The following EEA1 variants were observed in gnomAD, a reference collection of about 807,000 sequenced individuals.
EEA1 encodes the protein early endosome antigen 1.
A neutral mutation model predicts 209.2 loss-of-function variants in EEA1; 111 were observed. The ratio of observed to expected loss-of-function variants is 0.53; its 90% CI spans 0.45 to 0.62. The LOEUF (loss-of-function observed/expected upper bound fraction) is 0.62, where lower values mean the gene tolerates loss of function less well. Among genes scored for constraint, EEA1 ranks in the 20% least tolerant of loss-of-function variants. EEA1 has a pLI of 0.00. For synonymous variants in EEA1, 536 were observed against 540.6 expected, an observed-to-expected ratio of 0.99 and a Z score of 0.12; for missense variants, 1,343 against 1,530.8, an observed-to-expected ratio of 0.88 and a Z score of 2.05.
chr12:92,868,096 T>G (rs977188477), intron 2 of EEA1, among the ~76,000 whole-genome samples: 1 of 152,214 alleles, frequency 6.6e-6, no homozygotes, highest in Non-Finnish European at 1.5e-5. Context: ...AATAATCTCC[T>G]ATGAAACTCC....
intron 2 of EEA1, among the ~76,000 whole-genome samples, chr12:92,887,835 A>G (rs760429293): frequency 4.6e-5 from 7 of 152,152 alleles, no homozygotes; most frequent in Non-Finnish European, 8.8e-5. Flanking sequence ...TCAGATGGCA[A>G]TATCAGAAAA....
chr12:92,826,718 AAAAAAAAAAAAAAG>A (rs1876321261), intron 12 of EEA1, among the ~76,000 whole-genome samples: 1 of 125,546 alleles, frequency 8.0e-6, no homozygotes, highest in Non-Finnish European at 1.8e-5. Flanking sequence ...CCGTCTCAAA[AAAAAAAAAAAAAAG>A]AAAAGAAAAA....
At chr12:92,791,120 G>A (rs1417054843) in intron 21 of EEA1, among the ~76,000 whole-genome samples, 1 of 152,158 alleles carries the variant, frequency 6.6e-6, no homozygotes, top group East Asian at 1.9e-4. Context: ...GCTCCTGAAG[G>A]AAGCACTAAA....
chr12:92,864,854 C>T lies in EEA1; in HGVS notation c.245+6G>A. On this transcript the variant is annotated splice_donor_region_variant and intron_variant, in intron 3 of 28. Coordinates refer to ENST00000322349, the MANE Select transcript of EEA1 (RefSeq NM_003566.4). The stretch of plus-strand genomic sequence containing the variant: ...AACATTATACTTCAAAATTATCATA[C>T]CGTACCGCTTCAAAGCAAGATTAGA... 2 of 1,587,984 alleles carry T rather than the reference C, an allele frequency of 1.3e-6. No individual in the cohort carries two copies. The highest frequency in any genetic ancestry group is 2.3e-5 in the East Asian group (1 of 43,644).
intron 2 of EEA1, among the ~76,000 whole-genome samples, chr12:92,865,341 A>G (rs537188617): frequency 1.4e-5 from 2 of 147,056 alleles, no homozygotes; most frequent in East Asian, 4.2e-4. Context: ...CATTAGTAAA[A>G]TAATATCTGT....
intron 21 of EEA1, among the ~76,000 whole-genome samples, chr12:92,792,141 T>C (rs1874432458): frequency 6.6e-6 from 1 of 152,158 alleles, no homozygotes; most frequent in Non-Finnish European, 1.5e-5. Flanking sequence ...GAGGGAAATT[T>C]ATAGCACTAA....
chr12:92,909,734 T>G (rs1352188975), intron 1 of EEA1, among the ~76,000 whole-genome samples: 2 of 152,190 alleles, frequency 1.3e-5, no homozygotes, highest in Non-Finnish European at 2.9e-5. Flanking sequence ...GACAAGCTTG[T>G]GGCCGAGCAT....
At chr12:92,822,037 T>C (rs901728329) in intron 13 of EEA1, among the ~76,000 whole-genome samples, 1 of 151,434 alleles carries the variant, frequency 6.6e-6, no homozygotes, top group Non-Finnish European at 1.5e-5. Flanking sequence ...TATATAGATA[T>C]ATGGAGCTAT....
chr12:92,872,340 C>T (rs983887397), intron 2 of EEA1, among the ~76,000 whole-genome samples: 4 of 152,220 alleles, frequency 2.6e-5, no homozygotes, highest in African/African-American at 4.8e-5. Flanking sequence ...TGGGCCACCA[C>T]GCCCAGCCGA....
intron 1 of EEA1, among the ~76,000 whole-genome samples, chr12:92,927,738 T>C (rs889924546): frequency 6.6e-6 from 1 of 152,246 alleles, no homozygotes; most frequent in African/African-American, 2.4e-5. Context: ...CAGATGTCTT[T>C]ACTGCTGAAC....
chr12:92,779,729 G>GA (rs1157506051), intron 24 of EEA1, among the ~76,000 whole-genome samples: 183 of 152,162 alleles, frequency 1.2e-3, no homozygotes, highest in African/African-American at 4.2e-3. Flanking sequence ...AAACCAAAAT[G>GA]AAAGTATGCT....
At chr12:92,821,829 A>G (rs1018856954) in intron 13 of EEA1, among the ~76,000 whole-genome samples, 1 of 149,940 alleles carries the variant, frequency 6.7e-6, no homozygotes, top group Non-Finnish European at 1.5e-5. Flanking sequence ...ATATGTATAT[A>G]TAATTACATA....
intron 5 of EEA1, 21 bp from the exon 6 acceptor site, chr12:92,853,975 TAAAC>T (rs1309139678): frequency 2.6e-6 from 4 of 1,550,890 alleles, no homozygotes; most frequent in Non-Finnish European, 3.5e-6. Context: ...ACAAAAGACA[TAAAC>T]AAATGAATTA....
intron 2 of EEA1, chr12:92,884,465 G>A (rs1386682096): frequency 1.1e-5 from 16 of 1,476,674 alleles, no homozygotes; most frequent in Non-Finnish European, 1.5e-5. Context: ...TGGCAGTGGG[G>A]ATGGCTATAA....
chr12:92,855,343 T>G (rs1877825828), intron 5 of EEA1, among the ~76,000 whole-genome samples: 3 of 151,390 alleles, frequency 2.0e-5, no homozygotes. Context: ...GGCAGGAGAA[T>G]GCTGTGAACA....
At chr12:92,902,966 G>A (rs1373757211) in intron 1 of EEA1, among the ~76,000 whole-genome samples, 25 of 142,484 alleles carry the variant, frequency 1.8e-4, no homozygotes, top group African/African-American at 6.6e-4. Context: ...ACGGAGTCTC[G>A]CTCTGTCACC....
chr12:92,855,450 AAT>A (rs1227334811), intron 5 of EEA1, among the ~76,000 whole-genome samples: 1 of 151,624 alleles, frequency 6.6e-6, no homozygotes. Flanking sequence ...AAAAAAAAAA[AAT>A]GCTATCAAAC....
chr12:92,850,251 G>C (rs1371292683), intron 9 of EEA1, among the ~76,000 whole-genome samples: 2 of 152,154 alleles, frequency 1.3e-5, no homozygotes, highest in African/African-American at 2.4e-5. Context: ...CAATAAAATA[G>C]ACTTAGGAAG....
chr12:92,928,380 G>C (rs2136796375), intron 1 of EEA1, among the ~76,000 whole-genome samples: 1 of 152,192 alleles, frequency 6.6e-6, no homozygotes, highest in Middle Eastern at 3.4e-3. Context: ...ATTTATTCTT[G>C]GATAGCTAAA....
Sources: allele counts gnomAD v4.1 joint callset (sites outside exome capture counted in the v4.1 genomes callset), GRCh38; gene constraint gnomAD v4.1.1; transcripts MANE v1.5; gene names NCBI Gene and HGNC (gene_info 2026-07-23, HGNC 2026-07-21).